The following VRK2 variants were observed in gnomAD, a reference collection of about 807,000 sequenced individuals.
VRK2 encodes the protein VRK serine/threonine kinase 2.
Under a neutral mutation model 57.6 loss-of-function variants are expected in VRK2, and 60 were observed. The ratio of observed to expected loss-of-function variants is 1.04; its 90% confidence interval spans 0.85 to 1.29. The LOEUF (loss-of-function observed/expected upper bound fraction) is 1.29, where lower values mean the gene tolerates loss of function less well. Ranked by LOEUF, VRK2 falls within the 50% of genes most tolerant of loss-of-function variation. VRK2 has a pLI of 0.00. For synonymous variants in VRK2, 231 were observed against 199.2 expected, an observed-to-expected ratio of 1.16 and a Z score of -1.35; for missense variants, 705 against 588.1, an observed-to-expected ratio of 1.20 and a Z score of -2.06.
chr2:57,924,449 GGTAATTCCTA>G (rs1215429556), intron 1 of VRK2, among the ~76,000 whole-genome samples: 1 of 151,700 alleles, frequency 6.6e-6, no homozygotes, highest in Non-Finnish European at 1.5e-5. Context: ...CTTTGGTTAA[GGTAATTCCTA>G]GATATTTTAT....
intron 12 of VRK2, among the ~76,000 whole-genome samples, chr2:58,156,970 A>G (rs1683977587): frequency 6.6e-6 from 1 of 152,102 alleles, no homozygotes; most frequent in African/African-American, 2.4e-5. Flanking sequence ...GCATTCCTTT[A>G]AAGAGTTTTG....
intron 2 of VRK2, chr2:58,058,473 AT>A (rs1373983295): frequency 6.9e-5 from 32 of 463,556 alleles, no homozygotes; most frequent in Non-Finnish European, 1.3e-4. Context: ...CATAGAGAAC[AT>A]AGCTTCCATT....
At chr2:58,099,011 T>A (rs1442739164) in intron 7 of VRK2, among the ~76,000 whole-genome samples, 2 of 152,042 alleles carry the variant, frequency 1.3e-5, no homozygotes, top group East Asian at 3.8e-4. Context: ...TGATATGGTG[T>A]TGCACAATCG....
At chr2:58,151,315 C>T (rs1453046686) in intron 12 of VRK2, among the ~76,000 whole-genome samples, 5 of 151,684 alleles carry the variant, frequency 3.3e-5, no homozygotes, top group African/African-American at 1.2e-4. Flanking sequence ...CTGTCCTGTT[C>T]ATCATTCTGA....
At chr2:57,913,078 A>T (rs775590736) in intron 1 of VRK2, among the ~76,000 whole-genome samples, 1 of 152,182 alleles carries the variant, frequency 6.6e-6, no homozygotes, top group African/African-American at 2.4e-5. Flanking sequence ...TGTGAAAAAC[A>T]AATGCTTGTT....
At chr2:57,997,555 AT>A (rs1046708532) in intron 1 of VRK2, among the ~76,000 whole-genome samples, 3 of 152,202 alleles carry the variant, frequency 2.0e-5, no homozygotes, top group Non-Finnish European at 2.9e-5. Context: ...AATGAGCTAA[AT>A]TTTTTTAGAT....
At chr2:58,139,330 TATTA>T (rs1680991666) in intron 10 of VRK2, among the ~76,000 whole-genome samples, 1 of 152,116 alleles carries the variant, frequency 6.6e-6, no homozygotes, top group South Asian at 2.1e-4. Context: ...TGGTCAGTTG[TATTA>T]TTTATGTAGT....
chr2:57,969,906 C>T (rs999702132), intron 1 of VRK2, among the ~76,000 whole-genome samples: 4 of 151,912 alleles, frequency 2.6e-5, no homozygotes, highest in African/African-American at 7.3e-5. Context: ...CTTTCAGCTT[C>T]GCTATAAAAG....
intron 1 of VRK2, among the ~76,000 whole-genome samples, chr2:57,998,134 A>C (rs1211082040): frequency 9.9e-5 from 15 of 152,200 alleles, no homozygotes. Context: ...ACAAGCCAAA[A>C]GGTGGGCAGG....
At chr2:57,945,198 A>T (rs544363234) in intron 1 of VRK2, among the ~76,000 whole-genome samples, 176 of 152,272 alleles carry the variant, frequency 1.2e-3, no homozygotes, top group African/African-American at 3.9e-3. Context: ...AACTTGAAAA[A>T]ATCTTGTATT....
At chr2:58,139,098 A>C (rs1377355681) in intron 10 of VRK2, among the ~76,000 whole-genome samples, 2 of 152,176 alleles carry the variant, frequency 1.3e-5, no homozygotes, top group African/African-American at 4.8e-5. Context: ...GAGGCTGTGT[A>C]CCAGGCTAGC....
intron 1 of VRK2, among the ~76,000 whole-genome samples, chr2:57,940,286 A>T (rs1156848886): frequency 2.0e-5 from 3 of 152,054 alleles, no homozygotes; most frequent in Admixed American, 2.0e-4. Context: ...ACAGTCAAGG[A>T]AAAGAGAGGA....
chr2:57,920,271 C>T (rs2103904312), intron 1 of VRK2, among the ~76,000 whole-genome samples: 1 of 152,184 alleles, frequency 6.6e-6, no homozygotes, highest in East Asian at 1.9e-4. Flanking sequence ...GTCTGGATGC[C>T]TCTGTTTAGT....
rs560736676 is a variant in VRK2 at position 58,084,868 on chromosome 2, C to CT, written c.187-5dup. On this transcript the variant is annotated splice_polypyrimidine_tract_variant and intron_variant, in intron 3 of 12. Transcript: ENST00000340157. ...TTTTTTTCTAGTAAAATTAATTATT[C>CT]TTTTTTTTATAGGAATATCAAGAAA... 5.2e-4 allele frequency: 768 copies of CT among 1,471,764 alleles called. 1 individual carries two copies. Among genetic ancestry groups the CT allele is most frequent in the Non-Finnish European group, 6.7e-4 (728 of 1,084,250 alleles). The allele number at this position is 1,471,764 out of a possible 1,614,324, so 91.2% of individuals were successfully genotyped here. A position where few individuals can be genotyped will look rare whatever the true frequency, so the allele number is the denominator to read the frequency against.
chr2:58,012,243 G>C (rs997640576), intron 1 of VRK2, among the ~76,000 whole-genome samples: 3 of 152,152 alleles, frequency 2.0e-5, no homozygotes, highest in Non-Finnish European at 4.4e-5. Flanking sequence ...GCAGCCCTCA[G>C]GGCTGCTATG....
intron 1 of VRK2, among the ~76,000 whole-genome samples, chr2:57,993,804 G>T (rs962360761): frequency 6.6e-6 from 1 of 152,160 alleles, no homozygotes; most frequent in African/African-American, 2.4e-5. Flanking sequence ...TTGTCAGGAG[G>T]CCTGCCACCA....
chr2:58,028,485 G>C (rs952716362), intron 2 of VRK2: 3 of 152,066 alleles, frequency 2.0e-5, no homozygotes, highest in African/African-American at 7.2e-5. Context: ...CCAGTAATGG[G>C]ATGGCTGGGT....
At chr2:58,126,146 A>G (rs1271282014) in intron 8 of VRK2, among the ~76,000 whole-genome samples, 1 of 144,416 alleles carries the variant, frequency 6.9e-6, no homozygotes, top group Non-Finnish European at 1.5e-5. Context: ...TACAAAAAGC[A>G]AAAAAAAAAA....
chr2:57,978,074 A>G, intron 1 of VRK2, among the ~76,000 whole-genome samples: 1 of 151,366 alleles, frequency 6.6e-6, no homozygotes. Context: ...AGACTATTTG[A>G]TCATAGTGAA....
Sources: gnomAD v4.1 joint callset for allele counts (sites outside exome capture counted in the v4.1 genomes callset) on GRCh38, gnomAD v4.1.1 for gene constraint, MANE v1.5 for transcripts, NCBI Gene and HGNC (gene_info 2026-07-23, HGNC 2026-07-21) for gene names.